The following AKR1C3 variants were observed in gnomAD, a reference collection of about 807,000 sequenced individuals.
The protein encoded by AKR1C3 is aldo-keto reductase family 1 member C3, also known as 3-alpha hydroxysteroid dehydrogenase, type II.
Under a neutral mutation model 43.6 loss-of-function variants are expected in AKR1C3, and 48 were observed. The observed-to-expected ratio is 1.10, with a 90% CI of 0.87 to 1.40. The LOEUF (loss-of-function observed/expected upper bound fraction) is 1.40. Among genes scored for constraint, AKR1C3 ranks in the 40% most tolerant of loss-of-function variants. The pLI is 0.00. For synonymous variants in AKR1C3, 162 were observed against 139.6 expected (o/e 1.16, Z -1.13); for missense variants, 482 against 391.2 (o/e 1.23, Z -1.96).
intron 1 of AKR1C3, among the ~76,000 whole-genome samples, chr10:5,073,700 A>G (rs570817673): frequency 1.3e-5 from 2 of 152,194 alleles, no homozygotes; most frequent in East Asian, 3.9e-4. Context: ...AAATGAAAAG[A>G]CTGCCATGAC....
intron 2 of AKR1C3, among the ~76,000 whole-genome samples, chr10:5,097,005 G>A (rs1337822850): frequency 2.0e-5 from 3 of 152,098 alleles, no homozygotes; most frequent in Non-Finnish European, 4.4e-5. Flanking sequence ...GTCCTAAATT[G>A]TGTCCAGCAT....
At chr10:5,087,165 C>G (rs551419339) in intron 1 of AKR1C3, among the ~76,000 whole-genome samples, 2 of 152,130 alleles carry the variant, frequency 1.3e-5, no homozygotes, top group Non-Finnish European at 2.9e-5. Flanking sequence ...CCTAGCCTCG[C>G]TGGTCTTTAC....
At chr10:5,101,028 A>G (rs1554785890) in intron 5 of AKR1C3, among the ~76,000 whole-genome samples, 3 of 152,234 alleles carry the variant, frequency 2.0e-5, no homozygotes, top group African/African-American at 7.2e-5. Context: ...TTCCAGCTAC[A>G]GTATAATTAT....
At chr10:5,099,549 G>A (rs1157713876) in intron 5 of AKR1C3, 100 bp downstream of exon 5, 8 of 1,568,864 alleles carry the variant, frequency 5.1e-6, no homozygotes, top group Non-Finnish European at 6.9e-6. Context: ...TCTTTGTGAA[G>A]TAGAAGATTA....
upstream of AKR1C3, among the ~76,000 whole-genome samples, chr10:5,091,298 C>T (rs80179336): frequency 6.6e-6 from 1 of 152,108 alleles, no homozygotes; most frequent in East Asian, 1.9e-4. Context: ...CAAATTACCA[C>T]AAACGTTATG....
intron 1 of AKR1C3, chr10:5,080,925 T>G (rs1554782283): frequency 6.6e-6 from 1 of 151,830 alleles, no homozygotes; most frequent in Admixed American, 6.6e-5. Context: ...TCAAATTCAC[T>G]GCCCCAAGGA....
chr10:5,064,253 C>G (rs563542601), intron 1 of AKR1C3, among the ~76,000 whole-genome samples: 15 of 152,318 alleles, frequency 9.8e-5, no homozygotes, highest in African/African-American at 1.7e-4. Flanking sequence ...CAAGGGAACA[C>G]TAGAGAAGTC....
intron 1 of AKR1C3, among the ~76,000 whole-genome samples, chr10:5,065,063 A>C (rs1028318271): frequency 6.6e-6 from 1 of 151,992 alleles, no homozygotes; most frequent in Non-Finnish European, 1.5e-5. Flanking sequence ...CACAATGAGA[A>C]ACCATCTCAT....
chr10:5,097,929 C>T (rs1839249203), intron 3 of AKR1C3: 1 of 1,044,592 alleles, frequency 9.6e-7, no homozygotes, highest in Non-Finnish European at 1.2e-6. Context: ...TGAGTTTCCA[C>T]CATCTCTCCC....
chr10:5,100,033 C>T (rs1377559765), intron 5 of AKR1C3: 2 of 153,156 alleles, frequency 1.3e-5, no homozygotes, highest in African/African-American at 2.4e-5. Context: ...TGGCTTACGC[C>T]TGTAATCCCA....
chr10:5,075,912 G>T (rs1168006714), intron 1 of AKR1C3, among the ~76,000 whole-genome samples: 1 of 151,786 alleles, frequency 6.6e-6, no homozygotes, highest in Non-Finnish European at 1.5e-5. Flanking sequence ...AGTCACGGGG[G>T]CTCGGATGTA....
chr10:5,104,980 ATTTAGTCAATTTATAGATT>A (rs1564372648), intron 7 of AKR1C3, among the ~76,000 whole-genome samples: 1 of 149,878 alleles, frequency 6.7e-6, no homozygotes. Context: ...TATTAGAGTG[ATTTAGTCAATTTATAGATT>A]TATTCAATTC....
intron 8 of AKR1C3, among the ~76,000 whole-genome samples, chr10:5,106,836 A>G (rs1054381005): frequency 1.5e-4 from 23 of 152,156 alleles, no homozygotes; most frequent in African/African-American, 4.3e-4. Context: ...GTGAAAAAGC[A>G]TAAGTACAGT....
chr10:5,076,585 G>A (rs557657209), intron 1 of AKR1C3, among the ~76,000 whole-genome samples: 4 of 152,112 alleles, frequency 2.6e-5, no homozygotes, highest in Admixed American at 6.5e-5. Context: ...ATTTTTCTTT[G>A]CTTGTTACTG....
chr10:5,050,039 A>G, intron 1 of AKR1C3, among the ~76,000 whole-genome samples: 1 of 98,160 alleles, frequency 1.0e-5, no homozygotes, highest in East Asian at 5.4e-4. Context: ...AGATGTTTCC[A>G]AAATTTGTGC....
intron 4 of AKR1C3, 71 bp from the exon 5 acceptor site, chr10:5,099,256 G>A: frequency 6.2e-7 from 1 of 1,605,092 alleles, no homozygotes; most frequent in Non-Finnish European, 8.5e-7. Flanking sequence ...TGCTCTCACA[G>A]TTCTGTCTTG....
chr10:5,096,320 A>G (rs1241149410), intron 1 of AKR1C3, 90 bp from the exon 2 acceptor site: 4 of 1,470,022 alleles, frequency 2.7e-6, no homozygotes, highest in Non-Finnish European at 3.7e-6. Flanking sequence ...CAGGAGGAAA[A>G]GCTGATTCTT....
Position 5,097,528 on chromosome 10 carries a change from T to C in AKR1C3, c.347T>C (p.Ile116Thr), listed in dbSNP as rs782303259. ...TTGGACTATGTTGACCTCTATCTTA[T>C]TCATTCTCCAATGTCTCTAAAGGTA... The part of the protein sequence containing the change: ...AQLDYVDLYL[I>T]HSPMSLKPGE... Residue 116 changes from isoleucine (I) to threonine (T), a missense_variant, in exon 3 of 9, where the codon ATT (isoleucine) becomes ACT (threonine). Ile to Thr is a moderately conservative substitution (Grantham distance 89, BLOSUM62 -1). Coordinates refer to ENST00000380554, the MANE Select transcript of AKR1C3 (RefSeq NM_003739.6). The C allele has an allele frequency of 1.2e-6, 2 of 1,613,774 alleles. No individual in the cohort carries two copies. Among genetic ancestry groups the C allele is most frequent in the Non-Finnish European group, 1.7e-6 (2 of 1,179,686 alleles).
In AKR1C3 at chr10:5,105,206, A is replaced by T. The variant is rs879964473; in HGVS notation, c.847-389A>T. The T allele has an allele frequency of 2.0e-3, 320 of 158,058 alleles. 2 individuals carry two copies. The highest frequency in any genetic ancestry group is 3.5e-3 in the Non-Finnish European group (250 of 72,418). 9.8% of individuals were successfully genotyped at this position (158,058 alleles called of 1,614,324 possible). A position where few individuals can be genotyped will look rare whatever the true frequency, so the allele number is the denominator to read the frequency against. ...TATTAAAGAGATATAGAAATTCAAC[A>T]ATATCTATCAAACTTAATATATAAT... On this transcript the variant is annotated intron_variant, in intron 7 of 8. Transcript: ENST00000380554.
Sources: gnomAD v4.1 joint callset for allele counts (sites outside exome capture counted in the v4.1 genomes callset) on GRCh38, gnomAD v4.1.1 for gene constraint, MANE v1.5 for transcripts, NCBI Gene and HGNC (gene_info 2026-07-23, HGNC 2026-07-21) for gene names.